Variants in DLEC1 observed in about 807,000 individuals in gnomAD.
DLEC1 encodes deleted in lung and esophageal cancer protein 1.
Under a neutral mutation model 198.1 loss-of-function variants are expected in DLEC1, and 146 were observed. The ratio of observed to expected loss-of-function variants is 0.74; its 90% CI spans 0.64 to 0.85. The LOEUF is 0.85. DLEC1 is among the 40% of genes least tolerant of loss of function. The probability of loss-of-function intolerance (pLI) is 0.00; values close to 1 mark genes in which losing one functional copy is unlikely to be tolerated. For synonymous variants in DLEC1, 897 were observed against 866.8 expected (o/e 1.03, Z -0.61); for missense variants, 2,233 against 2,220.0 (o/e 1.01, Z -0.12).
chr3:38,091,921 G>A (rs2125687945), intron 10 of DLEC1, among the ~76,000 whole-genome samples: 1 of 152,278 alleles, frequency 6.6e-6, no homozygotes, highest in Non-Finnish European at 1.5e-5. Flanking sequence ...AATTACTACA[G>A]CCGTTATGGA....
intron 6 of DLEC1, among the ~76,000 whole-genome samples, chr3:38,064,551 G>A (rs1213559793): frequency 2.0e-5 from 3 of 152,122 alleles, no homozygotes; most frequent in Non-Finnish European, 2.9e-5. Context: ...GGTGGCGGCC[G>A]GGCAGAGGGG....
intron 9 of DLEC1, 48 bp from the exon 10 acceptor site, chr3:38,088,248 G>C (rs1698565109): frequency 2.0e-6 from 3 of 1,533,572 alleles, no homozygotes; most frequent in Non-Finnish European, 2.7e-6. Flanking sequence ...CTGAATACTG[G>C]CTTTTACAAT....
chr3:38,118,969 G>A (rs939177907), intron 33 of DLEC1, among the ~76,000 whole-genome samples: 1 of 152,136 alleles, frequency 6.6e-6, no homozygotes, highest in Non-Finnish European at 1.5e-5. Flanking sequence ...ACACGGATCT[G>A]CAGAAGACAG....
intron 6 of DLEC1, among the ~76,000 whole-genome samples, chr3:38,074,256 C>T (rs772199482): frequency 2.0e-5 from 3 of 152,336 alleles, no homozygotes; most frequent in Admixed American, 6.5e-5. Flanking sequence ...CTCAGAAATG[C>T]GTTGCCATCT....
intron 2 of DLEC1, among the ~76,000 whole-genome samples, chr3:38,057,961 C>T (rs1236662120): frequency 6.6e-6 from 1 of 151,884 alleles, no homozygotes; most frequent in Non-Finnish European, 1.5e-5. Flanking sequence ...GGACTATAGG[C>T]GCCCGCCACC....
At chr3:38,043,639 T>C (rs978086015) in intron 1 of DLEC1, among the ~76,000 whole-genome samples, 2 of 152,346 alleles carry the variant, frequency 1.3e-5, no homozygotes, top group African/African-American at 4.8e-5. Flanking sequence ...GTAAACTCTT[T>C]AAGAGCAGAA....
In DLEC1 at chr3:38,122,168, C is replaced by A; in HGVS notation, c.5118C>A (p.Ile1706=). The change falls in exon 36 of 37, where the codon ATC becomes ATA. Residue 1706 remains isoleucine (I), a synonymous_variant. Transcript: ENST00000308059. ...ARSANAPPTS[I]ALQVFFTARS... Reference sequence around the variant, plus strand: ...CCGCCAATGCACCCCCAACCTCCATCGCCTTGCAGGTTTTCTTCACTGCCA... The same window carrying A: ...CCGCCAATGCACCCCCAACCTCCATAGCCTTGCAGGTTTTCTTCACTGCCA... 1 of 1,614,130 alleles carries A rather than the reference C, an allele frequency of 6.2e-7. No homozygotes were observed.
intron 6 of DLEC1, among the ~76,000 whole-genome samples, chr3:38,065,296 C>G (rs1696961569): frequency 6.6e-6 from 1 of 152,070 alleles, no homozygotes; most frequent in African/African-American, 2.4e-5. Context: ...CAGTACAGTC[C>G]AGCCTCCGCT....
At chr3:38,084,357 G>T in intron 7 of DLEC1, 112 bp downstream of exon 7, 1 of 960,726 alleles carries the variant, frequency 1.0e-6, no homozygotes, top group Admixed American at 2.0e-5. Context: ...AGTAGTGGTG[G>T]TGGTAGTAGT....
In DLEC1 at chr3:38,117,236, A is replaced by G. The variant is rs1700224543; in HGVS notation, c.4334A>G (p.His1445Arg). ...KVEREIPGKRHRLQDFAVGPL... is the reference protein window; with the variant it reads ...KVEREIPGKRRRLQDFAVGPL... ...GAAAGGGAGATTCCAGGGAAGAGGC[A>G]TCGCCTGCAGGACTTTGCGGTGGGA... Residue 1445 changes from histidine to arginine, a missense_variant, in exon 31 of 37, where the codon CAT (histidine) becomes CGT (arginine). Transcript: ENST00000308059. The G allele has an allele frequency of 5.0e-6, 8 of 1,614,048 alleles. No homozygotes were observed. The East Asian group carries it at 6.7e-5, about 13-fold the overall frequency.
rs1699650780 is a variant in DLEC1, at chr3:38,107,857, C to T, written c.3018+120C>T. 8 of 1,159,776 alleles carry T rather than the reference C, an allele frequency of 6.9e-6. No homozygotes were observed. In the Admixed American group the frequency reaches 9.9e-5, roughly 14 times the overall value. The allele number at this position is 1,159,776 out of a possible 1,614,324, so 71.8% of individuals were successfully genotyped here. A position where few individuals can be genotyped will look rare whatever the true frequency, so the allele number is the denominator to read the frequency against. ...ACAGAGATACTCAGCCTCCCTCCCA[C>T]AGCCTGTCCCTTGCTCGTAGTGTGC... On this transcript the variant is annotated intron_variant, in intron 20 of 36. Transcript: ENST00000308059.
At chr3:38,086,985 A>G (rs1219738406) in intron 9 of DLEC1, among the ~76,000 whole-genome samples, 1 of 151,926 alleles carries the variant, frequency 6.6e-6, no homozygotes, top group Non-Finnish European at 1.5e-5. Flanking sequence ...GAGGAAGGAG[A>G]ATCACTTGAA....
At chr3:38,042,552 CTTTT>C (rs71635860) in intron 1 of DLEC1, among the ~76,000 whole-genome samples, 2 of 104,760 alleles carry the variant, frequency 1.9e-5, no homozygotes, top group African/African-American at 3.7e-5. Context: ...ATGTTGCTGG[CTTTT>C]TTTTTTTTTT....
In DLEC1 at chr3:38,117,672, G is replaced by A. The variant is rs981914421; in HGVS notation, c.4485+61G>A. 128 of 1,609,854 alleles carry A rather than the reference G, an allele frequency of 8.0e-5. No homozygotes were observed. The African/African-American group carries it at 1.6e-3, about 20-fold the overall frequency. On this transcript the variant is annotated intron_variant, in intron 32 of 36. Coordinates refer to ENST00000308059, the MANE Select transcript of DLEC1 (RefSeq NM_007335.4). ...ACCTGGACCTCAGATGTCTCTGTGT[G>A]CCCTTGTGGGACTCAGGCCTTATAG...
chr3:38,087,981 C>T (rs189655913), intron 9 of DLEC1, among the ~76,000 whole-genome samples: 54 of 152,318 alleles, frequency 3.5e-4, no homozygotes, highest in Middle Eastern at 6.8e-3. Flanking sequence ...TGAGTGAGAC[C>T]TTCTCACACG....
intron 6 of DLEC1, among the ~76,000 whole-genome samples, chr3:38,068,891 T>A (rs746432852): frequency 8.5e-5 from 13 of 152,184 alleles, no homozygotes; most frequent in Non-Finnish European, 1.6e-4. Context: ...AACTTGAATA[T>A]AACATGAATT....
chr3:38,056,055 CAA>C (rs1322680524), intron 2 of DLEC1, among the ~76,000 whole-genome samples: 2 of 138,934 alleles, frequency 1.4e-5, no homozygotes, highest in Non-Finnish European at 3.1e-5. Flanking sequence ...CTGATCTCTA[CAA>C]AAAATACACA....
intron 27 of DLEC1, 70 bp downstream of exon 27, chr3:38,115,123 G>A: frequency 6.3e-7 from 1 of 1,575,994 alleles, no homozygotes; most frequent in Non-Finnish European, 8.7e-7. Flanking sequence ...AGGCTGGGAG[G>A]GAAGGTGGGA....
In DLEC1 at chr3:38,099,852, G is replaced by C. The variant is rs1007937768; in HGVS notation, c.2725-434G>C. ...AAGGAAGGGGTGGGGGAAAGACCAC[G>C]TGGGTGCAAAGGAGAAATCTGGCCA... On this transcript the variant is annotated intron_variant, in intron 18 of 36. Transcript: ENST00000308059. Among the ~76,000 whole-genome samples the C allele has an allele frequency of 1.1e-4, 16 of 152,222 alleles. No homozygotes were observed. The Middle Eastern group carries it at 0.01, about 97-fold the overall frequency.
Sources: gnomAD v4.1 joint callset for allele counts (sites outside exome capture counted in the v4.1 genomes callset) on GRCh38, gnomAD v4.1.1 for gene constraint, MANE v1.5 for transcripts, NCBI Gene and HGNC (gene_info 2026-07-23, HGNC 2026-07-21) for gene names.